Variants in MAN2A1 observed in about 807,000 individuals in gnomAD.
MAN2A1 encodes mannosidase alpha class 2A member 1.
Under a neutral mutation model 142.6 loss-of-function variants are expected in MAN2A1, and 76 were observed. The ratio of observed to expected loss-of-function variants is 0.53; its 90% CI spans 0.44 to 0.65. MAN2A1 has a LOEUF of 0.65. Ranked by LOEUF, MAN2A1 falls within the 30% of genes least tolerant of loss-of-function variation. The pLI is 0.00. For missense variants in MAN2A1, 1,311 were observed against 1,365.1 expected (o/e 0.96, Z 0.62); for synonymous variants, 559 against 473.2 (o/e 1.18, Z -2.35).
chr5:109,733,435 T>C (rs1582836658), intron 4 of MAN2A1, among the ~76,000 whole-genome samples: 1 of 152,214 alleles, frequency 6.6e-6, no homozygotes, highest in Admixed American at 6.5e-5. Flanking sequence ...ATCCCTGTCT[T>C]GTGCCCATTT....
At chr5:109,752,808 A>C (rs1202252149) in intron 4 of MAN2A1, among the ~76,000 whole-genome samples, 2 of 152,218 alleles carry the variant, frequency 1.3e-5, no homozygotes, top group Non-Finnish European at 2.9e-5. Context: ...TACAGATAAG[A>C]ATTCAGTCTT....
intron 6 of MAN2A1, among the ~76,000 whole-genome samples, chr5:109,769,283 T>C (rs1354240992): frequency 1.3e-5 from 2 of 152,184 alleles, no homozygotes; most frequent in East Asian, 3.8e-4. Flanking sequence ...GTTAACTAAA[T>C]TGATAAAACT....
chr5:109,825,900 CTTTTTTTTT>C (rs869069525), intron 16 of MAN2A1, among the ~76,000 whole-genome samples: 11 of 92,200 alleles, frequency 1.2e-4, no homozygotes, highest in Non-Finnish European at 1.7e-4. Flanking sequence ...TCTTTCCTTC[CTTTTTTTTT>C]TTTTTTTTTT....
intron 3 of MAN2A1, among the ~76,000 whole-genome samples, chr5:109,723,447 G>T (rs533376072): frequency 6.1e-4 from 93 of 152,264 alleles, no homozygotes; most frequent in African/African-American, 2.1e-3. Context: ...TGGAAACTTA[G>T]TCGATTACTA....
At chr5:109,829,759 A>C (rs1269392434) in intron 16 of MAN2A1, among the ~76,000 whole-genome samples, 1 of 152,160 alleles carries the variant, frequency 6.6e-6, no homozygotes, top group Non-Finnish European at 1.5e-5. Flanking sequence ...ATTGAGTGGA[A>C]AGTTTCCTCA....
At chr5:109,746,484 A>G (rs1342255288) in intron 4 of MAN2A1, among the ~76,000 whole-genome samples, 4 of 151,302 alleles carry the variant, frequency 2.6e-5, no homozygotes, top group Non-Finnish European at 5.9e-5. Flanking sequence ...TATTTATTTT[A>G]TGGATGTATG....
intron 16 of MAN2A1, among the ~76,000 whole-genome samples, chr5:109,834,545 A>G (rs959537149): frequency 6.6e-6 from 1 of 152,206 alleles, no homozygotes; most frequent in African/African-American, 2.4e-5. Flanking sequence ...TTTGCAATTC[A>G]TATGATCAAA....
intron 4 of MAN2A1, among the ~76,000 whole-genome samples, chr5:109,746,913 G>T (rs1752424341): frequency 6.6e-6 from 1 of 152,004 alleles, no homozygotes; most frequent in Admixed American, 6.6e-5. Context: ...TATCTTCAAG[G>T]CTCATTCATG....
intron 7 of MAN2A1, among the ~76,000 whole-genome samples, chr5:109,771,587 T>C (rs1033816520): frequency 6.6e-6 from 1 of 152,186 alleles, no homozygotes; most frequent in African/African-American, 2.4e-5. Flanking sequence ...ATTTTCTTGG[T>C]TCCTACAGCC....
chr5:109,725,574 C>A (rs1751722530), intron 3 of MAN2A1, among the ~76,000 whole-genome samples: 1 of 152,168 alleles, frequency 6.6e-6, no homozygotes, highest in African/African-American at 2.4e-5. Flanking sequence ...GCAGGGCAGG[C>A]TCTGGGTCAG....
chr5:109,771,701 A>G (rs550164635), intron 7 of MAN2A1, among the ~76,000 whole-genome samples: 104 of 152,294 alleles, frequency 6.8e-4, no homozygotes, highest in African/African-American at 2.4e-3. Flanking sequence ...AAGGTGTAAT[A>G]AAAAGGAAGG....
rs987339653 is a variant in MAN2A1, at chr5:109,784,745, G to T, written c.1579G>T (p.Ala527Ser). 1.9e-6 allele frequency: 3 copies of T among 1,586,354 alleles called. No individual in the cohort carries two copies. The highest frequency in any genetic ancestry group is 2.7e-5 in the African/African-American group (2 of 73,562). Residue 527 changes from alanine (A) to serine (S), a missense_variant and splice_region_variant, in exon 10 of 22, where the codon GCT becomes TCT. Physicochemically the swap from Ala to Ser is moderately conservative, Grantham distance 99. This residue lies in a region of MAN2A1 where 890 missense variants were observed against 920.5 expected (regional missense o/e 0.97). Coordinates refer to ENST00000261483, the MANE Select transcript of MAN2A1 (RefSeq NM_002372.4). ...AAAATATGACTTTTATGCAATTAGG[G>T]CTGCTGAAATTCTTTACTATTTCGC... Reference protein sequence around the residue: ...MDRIMESHLRAAEILYYFALR... With the variant: ...MDRIMESHLRSAEILYYFALR...
chr5:109,716,567 T>A (rs954596499), intron 3 of MAN2A1, among the ~76,000 whole-genome samples: 2 of 152,212 alleles, frequency 1.3e-5, no homozygotes, highest in African/African-American at 2.4e-5. Context: ...AGTAACTTTT[T>A]AAAAAATATT....
At chr5:109,866,321 C>T (rs1755882230) in intron 21 of MAN2A1, among the ~76,000 whole-genome samples, 1 of 152,102 alleles carries the variant, frequency 6.6e-6, no homozygotes, top group Admixed American at 6.6e-5. Context: ...GACCTGTCCA[C>T]CTCTATAGAC....
rs553868088 is a variant in MAN2A1, at chr5:109,691,760, T to G, written c.135+1208T>G. On this transcript the variant is annotated intron_variant, in intron 1 of 21. Transcript: ENST00000261483. ...TTTTAAAAATCTTGCTGCAGAGAGA[T>G]GTATCAAAATTTTAAAAGCCTCTGC... Among the ~76,000 whole-genome samples the G allele has an allele frequency of 3.3e-5, 5 of 152,304 alleles. No homozygotes were observed. In the South Asian group the frequency reaches 1.0e-3, roughly 32 times the overall value.
chr5:109,735,878 G>T (rs1473044234), intron 4 of MAN2A1, among the ~76,000 whole-genome samples: 19 of 98,400 alleles, frequency 1.9e-4, no homozygotes, highest in East Asian at 1.1e-3. Flanking sequence ...TTCCATTGGA[G>T]TTTTTTTTTT....
intron 16 of MAN2A1, among the ~76,000 whole-genome samples, chr5:109,837,004 C>T (rs1755073566): frequency 6.6e-6 from 1 of 151,288 alleles, no homozygotes; most frequent in South Asian, 2.1e-4. Flanking sequence ...TCATTCTTCT[C>T]ATTTGTGACA....
chr5:109,831,430 G>A (rs991174157), intron 16 of MAN2A1, among the ~76,000 whole-genome samples: 2 of 152,174 alleles, frequency 1.3e-5, no homozygotes, highest in Admixed American at 1.3e-4. Context: ...AGGAGGAAAA[G>A]AATATCACAA....
intron 4 of MAN2A1, among the ~76,000 whole-genome samples, chr5:109,738,861 T>C (rs1752185028): frequency 6.6e-6 from 1 of 152,184 alleles, no homozygotes; most frequent in South Asian, 2.1e-4. Flanking sequence ...TTGTTTTTTT[T>C]TGAAACAGGG....
Sources: allele counts gnomAD v4.1 joint callset (sites outside exome capture counted in the v4.1 genomes callset), GRCh38; gene constraint gnomAD v4.1.1; regional missense constraint gnomAD v4.1.1; transcripts MANE v1.5; gene names NCBI Gene and HGNC (gene_info 2026-07-23, HGNC 2026-07-21).